Variants in IGSF10 observed in about 807,000 individuals in gnomAD.
The protein encoded by IGSF10 is calvaria mechanical force protein 608.
In IGSF10, 126 loss-of-function variants were observed where a neutral mutation model predicts 128.2. The observed-to-expected ratio is 0.98, with a 90% CI of 0.85 to 1.14. The LOEUF is 1.14. IGSF10 is among the 50% of genes most tolerant of loss of function. The pLI, the probability that IGSF10 is intolerant of heterozygous loss-of-function variation, is 0.00. For missense variants in IGSF10, 3,295 were observed against 3,149.8 expected (o/e 1.05, Z -1.10); for synonymous variants, 1,185 against 1,146.2 (o/e 1.03, Z -0.68).
At position 151,436,638 on chromosome 3, in the gene IGSF10, T is replaced by A; in HGVS notation, c.*51A>T. On this transcript the variant is annotated 3_prime_UTR_variant, in exon 8 of 8. Coordinates refer to ENST00000282466, the MANE Select transcript of IGSF10 (RefSeq NM_178822.5). ...GCCTATGGCTGCCTTTGATTAAACT[T>A]CTTCCAAAAAATAAATTCTGCCCAG... The A allele has an allele frequency of 1.5e-6, 2 of 1,352,566 alleles. No individual in the cohort carries two copies. Among genetic ancestry groups the A allele is most frequent in the Non-Finnish European group, 2.0e-6 (2 of 982,504 alleles). The allele number at this position is 1,352,566 out of a possible 1,614,324, so 83.8% of individuals were successfully genotyped here.
upstream of IGSF10, among the ~76,000 whole-genome samples, chr3:151,463,402 A>G (rs1423570082): frequency 6.6e-6 from 1 of 152,116 alleles, no homozygotes; most frequent in Admixed American, 6.5e-5. Flanking sequence ...TGCTAAAATT[A>G]TACCAGTTTT....
At chr3:151,617,457 T>G in the IGSF10 span, among the ~76,000 whole-genome samples, 33 of 151,928 alleles carry the variant, frequency 2.2e-4, no homozygotes, top group African/African-American at 8.0e-4. Flanking sequence ...GCTTGTTCTA[T>G]TCCTGTCTCA....
the IGSF10 span, among the ~76,000 whole-genome samples, chr3:151,513,682 T>C: frequency 6.6e-6 from 1 of 152,138 alleles, no homozygotes; most frequent in African/African-American, 2.4e-5. Flanking sequence ...AGTCAAACTG[T>C]CCCTGTTTGC....
chr3:151,449,048 T>C lies in IGSF10; in HGVS notation c.933A>G (p.Ala311=). The C allele has an allele frequency of 1.2e-6, 2 of 1,614,162 alleles. No homozygotes were observed. Among genetic ancestry groups the C allele is most frequent in the Admixed American group, 1.7e-5 (1 of 60,016 alleles). ...TATTCAAAGTGAGGGAGCCAAAGGG[T>C]GCCATGAAACCTTGGGGAGAGATGA... ...SAFISPQGFM[A]PFGSLTLNMT... The change falls in exon 6 of 8, where the codon GCA becomes GCG. Residue 311 remains alanine (A), a synonymous_variant. Transcript: ENST00000282466.
the IGSF10 span, among the ~76,000 whole-genome samples, chr3:151,486,227 C>T: frequency 6.6e-6 from 1 of 152,080 alleles, no homozygotes; most frequent in African/African-American, 2.4e-5. Context: ...CAAAGAAGGG[C>T]ATTACATGAT....
chr3:151,582,460 C>T, the IGSF10 span, among the ~76,000 whole-genome samples: 2 of 151,952 alleles, frequency 1.3e-5, no homozygotes, highest in Non-Finnish European at 2.9e-5. Context: ...TAATTTATTT[C>T]GCACCAGATT....
chr3:151,555,950 A>C, the IGSF10 span, among the ~76,000 whole-genome samples: 45 of 152,064 alleles, frequency 3.0e-4, no homozygotes, highest in African/African-American at 9.7e-4. Context: ...TTACACTCAA[A>C]CCTTGATATG....
At chr3:151,600,265 G>GA in the IGSF10 span, among the ~76,000 whole-genome samples, 2 of 151,834 alleles carry the variant, frequency 1.3e-5, no homozygotes, top group Non-Finnish European at 2.9e-5. Flanking sequence ...CAGATGGTTT[G>GA]AAAAAAATCT....
rs12487205 is a variant in IGSF10, at chr3:151,443,324, A to G, written c.5623T>C (p.Tyr1875His). The change falls in exon 7 of 8, where the codon TAC (tyrosine) becomes CAC (histidine). Residue 1875 changes from tyrosine to histidine, a missense_variant. Physicochemically the swap from Tyr to His is moderately conservative, Grantham distance 83 (BLOSUM62 2). Coordinates refer to ENST00000282466, the MANE Select transcript of IGSF10 (RefSeq NM_178822.5). ...TAKGTPQPSV[Y>H]WVLSDGTEVK... ...TCAGTGCCATCAGAGAGGACCCAGTAAACGCTGGGCTGAGGAGTTCCTTTT... is the reference window on the plus strand; with the variant it reads ...TCAGTGCCATCAGAGAGGACCCAGTGAACGCTGGGCTGAGGAGTTCCTTTT... 58,217 of 1,614,142 alleles carry G rather than the reference A, an allele frequency of 0.036. 1,246 individuals carry two copies. Among genetic ancestry groups the G allele is most frequent in the Middle Eastern group, 0.079 (477 of 6,062 alleles).
chr3:151,571,911 T>C, the IGSF10 span, among the ~76,000 whole-genome samples: 1 of 152,208 alleles, frequency 6.6e-6, no homozygotes, highest in Admixed American at 6.5e-5. Context: ...ACCTAACATA[T>C]TGAGAGTTTT....
Position 151,453,687 on chromosome 3 carries a change from G to A in IGSF10, c.412C>T (p.His138Tyr), listed in dbSNP as rs758049789. The A allele has an allele frequency of 5.6e-6, 9 of 1,612,328 alleles. No individual in the cohort carries two copies. The highest frequency in any genetic ancestry group is 3.3e-5 in the South Asian group (3 of 91,000). ...GGGTTTATAAACTCAATATTGTTGT[G>A]GTCCATGTGCAATCGTGTCAAGCTC... ...LRSLTRLHMD[H>Y]NNIEFINPEV... Residue 138 changes from histidine to tyrosine, a missense_variant, in exon 5 of 8, where the codon CAC (histidine) becomes TAC (tyrosine). His to Tyr is a moderately conservative substitution (Grantham distance 83). Coordinates refer to ENST00000282466, the MANE Select transcript of IGSF10 (RefSeq NM_178822.5).
At chr3:151,460,861 A>G (rs1722018995) in intron 1 of IGSF10, 85 bp downstream of exon 1, 1 of 787,942 alleles carries the variant, frequency 1.3e-6, no homozygotes, top group Admixed American at 6.4e-5. Flanking sequence ...TTCTGCAGCC[A>G]CGGTACTCGC....
the IGSF10 span, among the ~76,000 whole-genome samples, chr3:151,480,270 G>A: frequency 6.6e-6 from 1 of 152,100 alleles, no homozygotes; most frequent in Non-Finnish European, 1.5e-5. Flanking sequence ...GCTGCATGGA[G>A]AAGGGAAGGA....
chr3:151,576,989 G>A, the IGSF10 span, among the ~76,000 whole-genome samples: 2,681 of 152,062 alleles, frequency 0.018, 22 homozygotes, highest in South Asian at 0.058. Context: ...TTACTCTGTC[G>A]GCTTGCTCTT....
the IGSF10 span, among the ~76,000 whole-genome samples, chr3:151,505,414 C>G: frequency 6.6e-6 from 1 of 152,128 alleles, no homozygotes; most frequent in Non-Finnish European, 1.5e-5. Flanking sequence ...AGGTCCCTCC[C>G]ATCACAAGTG....
upstream of IGSF10, among the ~76,000 whole-genome samples, chr3:151,464,011 A>G (rs1250516017): frequency 1.3e-5 from 2 of 152,200 alleles, no homozygotes; most frequent in African/African-American, 2.4e-5. Flanking sequence ...GCCTCATTTA[A>G]TAAGAAATAT....
the IGSF10 span, among the ~76,000 whole-genome samples, chr3:151,613,165 A>C: frequency 3.0e-4 from 45 of 152,314 alleles, no homozygotes; most frequent in Non-Finnish European, 3.5e-4. Context: ...GGAGAACTAT[A>C]AACCACTGCT....
the IGSF10 span, among the ~76,000 whole-genome samples, chr3:151,489,379 T>C: frequency 6.6e-6 from 1 of 151,966 alleles, no homozygotes; most frequent in Non-Finnish European, 1.5e-5. Context: ...TTTGTAGGAG[T>C]GTAAATTAGT....
At chr3:151,577,040 C>T in the IGSF10 span, among the ~76,000 whole-genome samples, 2 of 152,166 alleles carry the variant, frequency 1.3e-5, no homozygotes, top group Non-Finnish European at 2.9e-5. Context: ...CTGGGCTGAA[C>T]CTCAGCTTTG....
Sources: gnomAD v4.1 joint callset for allele counts (sites outside exome capture counted in the v4.1 genomes callset) on GRCh38, gnomAD v4.1.1 for gene constraint, MANE v1.5 for transcripts, NCBI Gene and HGNC (gene_info 2026-07-23, HGNC 2026-07-21) for gene names.